Variants in ELP4 observed in about 807,000 individuals in gnomAD.
ELP4 encodes elongator acetyltransferase complex subunit 4.
ELP4 carries 51 observed loss-of-function variants against 48.9 expected under a neutral mutation model. The observed-to-expected ratio is 1.04, with a 90% CI of 0.83 to 1.32. The LOEUF (loss-of-function observed/expected upper bound fraction) is 1.32, where lower values mean the gene tolerates loss of function less well. ELP4 is among the 40% of genes most tolerant of loss of function. The pLI is 0.00. For missense variants in ELP4, 519 were observed against 514.6 expected (o/e 1.01, Z -0.08); for synonymous variants, 210 against 189.2 (o/e 1.11, Z -0.90).
rs189488389 is a variant in ELP4 at position 31,521,072 on chromosome 11, T to A, written c.259+981T>A. Among the ~76,000 whole-genome samples, 9 of 152,192 alleles carry A rather than the reference T, an allele frequency of 5.9e-5. No homozygotes were observed. In the East Asian group the frequency reaches 1.7e-3, roughly 29 times the overall value. The stretch of plus-strand genomic sequence containing the variant: ...ACCCCTAAGGTAACAAAAAAAGTAT[T>A]TTGGAAGAATTTTCCCCAAGAGTGA... On this transcript the variant is annotated intron_variant, in intron 2 of 9. Coordinates refer to ENST00000640961, the MANE Select transcript of ELP4 (RefSeq NM_019040.5).
At chr11:31,681,885 C>T (rs758123006) in intron 9 of ELP4, 31 of 276,314 alleles carry the variant, frequency 1.1e-4, no homozygotes, top group South Asian at 3.8e-4. Context: ...GGATTACAGG[C>T]GCCCACCACC....
intron 9 of ELP4, among the ~76,000 whole-genome samples, chr11:31,697,417 G>GT (rs1319188261): frequency 1.4e-4 from 21 of 151,644 alleles, no homozygotes; most frequent in Admixed American, 7.2e-4. Flanking sequence ...TGTTTCTTGG[G>GT]TTTTTTTTGA....
At chr11:31,759,704 CTTTTTTCT>C (rs1483643485) in intron 9 of ELP4, among the ~76,000 whole-genome samples, 11 of 149,628 alleles carry the variant, frequency 7.4e-5, no homozygotes, top group African/African-American at 2.7e-4. Context: ...TTTCTTTTTT[CTTTTTTCT>C]TTTTTTTTTT....
At chr11:31,566,267 A>G (rs1243601525) in intron 3 of ELP4, among the ~76,000 whole-genome samples, 1 of 152,060 alleles carries the variant, frequency 6.6e-6, no homozygotes, top group East Asian at 1.9e-4. Flanking sequence ...CTGGGGCAGG[A>G]TAATTGCTTG....
chr11:31,719,859 G>A (rs546693019), intron 9 of ELP4: 1 of 180,836 alleles, frequency 5.5e-6, no homozygotes, highest in South Asian at 2.0e-4. Context: ...AGGTGAAAAA[G>A]CAAGTGTAGA....
At chr11:31,693,557 A>G (rs577528671) in intron 9 of ELP4, among the ~76,000 whole-genome samples, 1 of 152,222 alleles carries the variant, frequency 6.6e-6, no homozygotes, top group African/African-American at 2.4e-5. Flanking sequence ...TCCAGTGTCT[A>G]TCATTGATGG....
chr11:31,520,624 A>C (rs1956197175), intron 2 of ELP4, among the ~76,000 whole-genome samples: 1 of 152,092 alleles, frequency 6.6e-6, no homozygotes, highest in Non-Finnish European at 1.5e-5. Context: ...AATTGAAATA[A>C]ACCTTGTCAG....
chr11:31,787,215 A>G lies in ELP4; in HGVS notation c.*3691A>G, dbSNP rs554531111. 6.9e-5 allele frequency: 16 copies of G among 232,674 alleles called. No individual in the cohort carries two copies. In the South Asian group the frequency reaches 2.7e-3, roughly 39 times the overall value. The allele number at this position is 232,674 out of a possible 1,614,324, so 14.4% of individuals were successfully genotyped here. A position where few individuals can be genotyped will look rare whatever the true frequency, so the allele number is the denominator to read the frequency against. On this transcript the variant is annotated 3_prime_UTR_variant, in exon 10 of 10. Coordinates refer to ENST00000640961, the MANE Select transcript of ELP4 (RefSeq NM_019040.5). ...TCCTGCCGGACCAGAGGGCTTCTGC[A>G]GCTGAGCAGCCGCTTCTTCAGACTA...
At chr11:31,714,785 A>G (rs1176298757) in intron 9 of ELP4, 5 of 398,326 alleles carry the variant, frequency 1.3e-5, no homozygotes, top group Non-Finnish European at 2.2e-5. Context: ...ATTGGGTTTG[A>G]GTCCTTATGT....
intron 9 of ELP4, among the ~76,000 whole-genome samples, chr11:31,711,126 C>T (rs549283066): frequency 5.9e-5 from 9 of 152,104 alleles, no homozygotes; most frequent in East Asian, 3.9e-4. Flanking sequence ...TTTTATATTA[C>T]GCTTGGATGA....
At chr11:31,617,132 A>G (rs1421295400) in intron 5 of ELP4, among the ~76,000 whole-genome samples, 1 of 152,112 alleles carries the variant, frequency 6.6e-6, no homozygotes, top group Non-Finnish European at 1.5e-5. Context: ...TAGCAGCATT[A>G]TTTGCAGTTG....
chr11:31,541,268 A>G (rs1289958789), intron 3 of ELP4, among the ~76,000 whole-genome samples: 1 of 152,222 alleles, frequency 6.6e-6, no homozygotes, highest in Non-Finnish European at 1.5e-5. Flanking sequence ...TAATATTGTT[A>G]TGAAATCCAA....
At chr11:31,524,191 G>T (rs946630032) in intron 2 of ELP4, among the ~76,000 whole-genome samples, 4 of 152,000 alleles carry the variant, frequency 2.6e-5, no homozygotes, top group South Asian at 4.1e-4. Context: ...AAACAACATA[G>T]ATTTATTTAT....
At chr11:31,666,666 T>C (rs1360422926) in intron 9 of ELP4, among the ~76,000 whole-genome samples, 1 of 143,430 alleles carries the variant, frequency 7.0e-6, no homozygotes, top group Non-Finnish European at 1.5e-5. Context: ...CACTCCAGCC[T>C]GGACGACAGA....
At chr11:31,588,406 C>T (rs1957512967) in intron 3 of ELP4, among the ~76,000 whole-genome samples, 1 of 152,064 alleles carries the variant, frequency 6.6e-6, no homozygotes, top group Non-Finnish European at 1.5e-5. Context: ...CTCCTAACTT[C>T]CCACCAGCAG....
chr11:31,572,418 A>C (rs1957205200), intron 3 of ELP4, among the ~76,000 whole-genome samples: 1 of 152,200 alleles, frequency 6.6e-6, no homozygotes, highest in Non-Finnish European at 1.5e-5. Context: ...GAGCCTCTAG[A>C]CGAGGAAAGT....
chr11:31,517,783 A>AT (rs1186497350), intron 1 of ELP4, among the ~76,000 whole-genome samples: 1 of 150,734 alleles, frequency 6.6e-6, no homozygotes, highest in Non-Finnish European at 1.5e-5. Context: ...CGCCCAGCTA[A>AT]TTTTTTTTGT....
At chr11:31,584,493 A>AT (rs1350142328) in intron 3 of ELP4, among the ~76,000 whole-genome samples, 15 of 151,978 alleles carry the variant, frequency 9.9e-5, no homozygotes, top group African/African-American at 3.6e-4. Context: ...CTTTAAAATA[A>AT]TTTATAATTT....
chr11:31,769,902 A>G (rs1200525048), intron 9 of ELP4, among the ~76,000 whole-genome samples: 1 of 152,176 alleles, frequency 6.6e-6, no homozygotes, highest in African/African-American at 2.4e-5. Flanking sequence ...TGTTCCTAAA[A>G]TATATTAGTA....
Sources: allele counts gnomAD v4.1 joint callset (sites outside exome capture counted in the v4.1 genomes callset), GRCh38; gene constraint gnomAD v4.1.1; transcripts MANE v1.5; gene names NCBI Gene and HGNC (gene_info 2026-07-23, HGNC 2026-07-21).